Variants in PPP1R13B observed in about 807,000 individuals in gnomAD.
The protein encoded by PPP1R13B is protein phosphatase 1 regulatory subunit 13B.
A neutral mutation model predicts 119.8 loss-of-function variants in PPP1R13B; 44 were observed. The ratio of observed to expected loss-of-function variants is 0.37; its 90% CI spans 0.29 to 0.47. PPP1R13B has a LOEUF of 0.47. Ranked by LOEUF, PPP1R13B falls within the 20% of genes least tolerant of loss-of-function variation. The probability of loss-of-function intolerance (pLI) is 0.99; values close to 1 mark genes in which losing one functional copy is unlikely to be tolerated. For synonymous variants in PPP1R13B, 542 were observed against 561.5 expected (o/e 0.97, Z 0.49); for missense variants, 1,227 against 1,413.5 (o/e 0.87, Z 2.12).
chr14:103,803,401 T>C (rs1056020795), intron 1 of PPP1R13B, among the ~76,000 whole-genome samples: 7 of 152,150 alleles, frequency 4.6e-5, no homozygotes, highest in African/African-American at 1.7e-4. Context: ...CCCAGCACTT[T>C]GGGAGGCCAA....
chr14:103,736,593 C>A (rs1437105529), intron 15 of PPP1R13B: 1 of 187,694 alleles, frequency 5.3e-6, no homozygotes, highest in African/African-American at 2.3e-5. Context: ...TGAGCCCTGA[C>A]TGAGCAGCTA....
intron 8 of PPP1R13B, 110 bp downstream of exon 8, chr14:103,749,684 T>C (rs918366217): frequency 4.5e-6 from 5 of 1,117,750 alleles, no homozygotes; most frequent in African/African-American, 1.6e-5. Flanking sequence ...GGCCTATTTA[T>C]GTTTTATCAG....
At chr14:103,820,412 C>CTTAG (rs1555446307) in intron 1 of PPP1R13B, among the ~76,000 whole-genome samples, 2 of 151,572 alleles carry the variant, frequency 1.3e-5, no homozygotes. Flanking sequence ...TTGTTATTGG[C>CTTAG]TTAGCACTCA....
At chr14:103,818,890 A>G (rs1030550483) in intron 1 of PPP1R13B, among the ~76,000 whole-genome samples, 1 of 152,226 alleles carries the variant, frequency 6.6e-6, no homozygotes, top group Non-Finnish European at 1.5e-5. Context: ...GTGGTACTAT[A>G]TAGTATGGAA....
intron 4 of PPP1R13B, among the ~76,000 whole-genome samples, chr14:103,771,356 CAA>C (rs1380972338): frequency 6.6e-6 from 1 of 151,760 alleles, no homozygotes; most frequent in Non-Finnish European, 1.5e-5. Context: ...AGCCAGGACT[CAA>C]CAGTCAGCAG....
chr14:103,757,593 G>T, intron 5 of PPP1R13B, 57 bp downstream of exon 5: 1 of 1,489,948 alleles, frequency 6.7e-7, no homozygotes, highest in South Asian at 1.1e-5. Flanking sequence ...AGTCTAAAAT[G>T]ATGGTTAAAG....
chr14:103,742,783 G>T lies in PPP1R13B; in HGVS notation c.1191C>A (p.Ser397Arg), dbSNP rs1194437080. 2 of 1,614,048 alleles carry T rather than the reference G, an allele frequency of 1.2e-6. No homozygotes were observed. The highest frequency in any genetic ancestry group is 3.3e-5 in the Admixed American group (2 of 60,006). ...CCACCTGCACTGGTTTCACGGAAGA[G>T]CTAGAATTCTGTTTTAATGTTGGCC... Reference protein sequence around the residue: ...GNWPTLKQNSSSSVKPVQVAG... With the variant: ...GNWPTLKQNSRSSVKPVQVAG... Residue 397 changes from serine to arginine, a missense_variant, in exon 10 of 17, where the codon AGC becomes AGA. Coordinates refer to ENST00000202556, the MANE Select transcript of PPP1R13B (RefSeq NM_015316.3). The surrounding 1 kb of genome is among the most constrained non-coding windows in gnomAD (Gnocchi z 4.9).
upstream of PPP1R13B, chr14:103,848,140 C>T (rs1468576718): frequency 1.4e-6 from 1 of 734,116 alleles, no homozygotes; most frequent in Non-Finnish European, 1.7e-6. Flanking sequence ...TTGGCTGGCA[C>T]CTGCTTCTCC....
In PPP1R13B at chr14:103,735,010, T is replaced by C; in HGVS notation, c.*144A>G. The C allele has an allele frequency of 2.2e-6, 2 of 917,990 alleles. No homozygotes were observed. The highest frequency in any genetic ancestry group is 3.5e-6 in the Non-Finnish European group (2 of 570,516). The allele number at this position is 917,990 out of a possible 1,614,324, so 56.9% of individuals were successfully genotyped here. On this transcript the variant is annotated 3_prime_UTR_variant, in exon 17 of 17. Coordinates refer to ENST00000202556, the MANE Select transcript of PPP1R13B (RefSeq NM_015316.3). ...GAGAAAGGGCCTCACCTGGAAACTG[T>C]AGGATTCACATTGTGGACGCTGTCT...
intron 1 of PPP1R13B, among the ~76,000 whole-genome samples, chr14:103,824,564 C>T (rs571975684): frequency 4.6e-5 from 7 of 151,482 alleles, no homozygotes; most frequent in Non-Finnish European, 5.9e-5. Flanking sequence ...GACGTGGTGG[C>T]GCACACCTGT....
At chr14:103,790,426 T>C (rs1009388406) in intron 2 of PPP1R13B, among the ~76,000 whole-genome samples, 1 of 151,958 alleles carries the variant, frequency 6.6e-6, no homozygotes, top group Non-Finnish European at 1.5e-5. Flanking sequence ...GGAGGTGGGG[T>C]CTTTGAGAAG....
intron 1 of PPP1R13B, among the ~76,000 whole-genome samples, chr14:103,803,249 A>G (rs913647246): frequency 6.6e-6 from 1 of 152,214 alleles, no homozygotes; most frequent in African/African-American, 2.4e-5. Flanking sequence ...CTTTAATAGT[A>G]TGTACAAAAC....
intron 4 of PPP1R13B, among the ~76,000 whole-genome samples, chr14:103,776,360 A>G (rs1436854018): frequency 1.3e-5 from 2 of 152,248 alleles, no homozygotes; most frequent in African/African-American, 2.4e-5. Context: ...AATATAGCCA[A>G]TAAAAGAACT....
chr14:103,820,692 C>T (rs916136599), intron 1 of PPP1R13B, among the ~76,000 whole-genome samples: 19 of 142,236 alleles, frequency 1.3e-4, no homozygotes, highest in Admixed American at 2.2e-4. Context: ...ACAGGGTGGC[C>T]GCTCTATGAT....
intron 2 of PPP1R13B, among the ~76,000 whole-genome samples, chr14:103,789,311 CGGG>C: frequency 6.6e-6 from 1 of 151,994 alleles, no homozygotes; most frequent in Non-Finnish European, 1.5e-5. Flanking sequence ...CTCCGCCTCC[CGGG>C]TTCAAGCGAT....
chr14:103,833,445 A>C (rs1282365051), intron 1 of PPP1R13B, among the ~76,000 whole-genome samples: 1 of 152,088 alleles, frequency 6.6e-6, no homozygotes, highest in Non-Finnish European at 1.5e-5. Flanking sequence ...GGAGTTTAAG[A>C]CCAGCCTGGC....
At chr14:103,823,246 G>A (rs1391821471) in intron 1 of PPP1R13B, among the ~76,000 whole-genome samples, 1 of 151,822 alleles carries the variant, frequency 6.6e-6, no homozygotes, top group Non-Finnish European at 1.5e-5. Flanking sequence ...GGCTGAGGCA[G>A]GAGAATCGCT....
intron 2 of PPP1R13B, among the ~76,000 whole-genome samples, chr14:103,796,557 G>A (rs767305729): frequency 3.3e-5 from 5 of 152,192 alleles, no homozygotes; most frequent in African/African-American, 4.8e-5. Context: ...AATTGCATTA[G>A]AAAACAGTCT....
rs1013016750 is a variant in PPP1R13B at position 103,775,517 on chromosome 14, C to T, written c.354+3228G>A. Among the ~76,000 whole-genome samples, 6 of 152,144 alleles carry T rather than the reference C, an allele frequency of 3.9e-5. No individual in the cohort carries two copies. In the South Asian group the frequency reaches 6.2e-4, roughly 16 times the overall value. ...CTAGAACTCCTGACCTCAGGTGATCCGCCTACCTTGGCCTCCCAAAGTGCT... is the reference window on the plus strand; with the variant it reads ...CTAGAACTCCTGACCTCAGGTGATCTGCCTACCTTGGCCTCCCAAAGTGCT... On this transcript the variant is annotated intron_variant, in intron 4 of 16. Transcript: ENST00000202556.
Sources: gnomAD v4.1 joint callset for allele counts (sites outside exome capture counted in the v4.1 genomes callset) on GRCh38, gnomAD v4.1.1 for gene constraint, Gnocchi (gnomAD v3.1) non-coding constraint, MANE v1.5 for transcripts, NCBI Gene and HGNC (gene_info 2026-07-23, HGNC 2026-07-21) for gene names.